VWA3B: variants seen among roughly 807,000 people sequenced by gnomAD.
VWA3B encodes the protein von Willebrand factor A domain-containing protein 3B.
A neutral mutation model predicts 158.3 loss-of-function variants in VWA3B; 138 were observed. The ratio of observed to expected loss-of-function variants is 0.87; its 90% CI spans 0.76 to 1.00. VWA3B has a LOEUF of 1.00. Ranked by LOEUF, VWA3B falls within the 50% of genes least tolerant of loss-of-function variation. The pLI, the probability that VWA3B is intolerant of heterozygous loss-of-function variation, is 0.00. For missense variants in VWA3B, 1,555 were observed against 1,565.1 expected, an observed-to-expected ratio of 0.99 and a Z score of 0.11; for synonymous variants, 596 against 587.3, an observed-to-expected ratio of 1.01 and a Z score of -0.21.
chr2:98,173,127 G>C (rs187086840), intron 8 of VWA3B, among the ~76,000 whole-genome samples: 1 of 152,320 alleles, frequency 6.6e-6, no homozygotes, highest in Admixed American at 6.5e-5. Context: ...CAGAGTACTT[G>C]TACATGTTTA....
chr2:98,245,396 A>G, intron 19 of VWA3B: 1 of 371,138 alleles, frequency 2.7e-6, no homozygotes, highest in Non-Finnish European at 5.3e-6. Flanking sequence ...CATCATAAAG[A>G]AAACATTTCC....
chr2:98,288,131 G>T (rs1054204262), intron 22 of VWA3B, among the ~76,000 whole-genome samples: 1 of 152,138 alleles, frequency 6.6e-6, no homozygotes, highest in Non-Finnish European at 1.5e-5. Flanking sequence ...GGACTCTATT[G>T]ATTGCCTTTT....
intron 20 of VWA3B, among the ~76,000 whole-genome samples, chr2:98,252,281 G>C (rs1686848120): frequency 6.6e-6 from 1 of 152,120 alleles, no homozygotes; most frequent in African/African-American, 2.4e-5. Flanking sequence ...TTCCTAGCAG[G>C]CGTCTGTGTG....
intron 15 of VWA3B, 129 bp downstream of exon 15, chr2:98,228,461 T>G: frequency 8.6e-7 from 1 of 1,167,290 alleles, no homozygotes. Flanking sequence ...CGTAGTGTGA[T>G]TAAGTTAGGA....
chr2:98,276,137 A>T (rs1436062789), intron 22 of VWA3B, among the ~76,000 whole-genome samples: 3 of 152,214 alleles, frequency 2.0e-5, no homozygotes, highest in Non-Finnish European at 2.9e-5. Context: ...GGGAGAGGTC[A>T]CATCTGGTGA....
chr2:98,247,028 C>T (rs938487171), intron 19 of VWA3B, among the ~76,000 whole-genome samples: 19 of 151,754 alleles, frequency 1.3e-4, no homozygotes, highest in African/African-American at 3.2e-4. Flanking sequence ...GACAGAGCCT[C>T]GCACTGTCGC....
chr2:98,215,579 G>A (rs1371835434), intron 13 of VWA3B, among the ~76,000 whole-genome samples: 1 of 150,340 alleles, frequency 6.7e-6, no homozygotes, highest in African/African-American at 2.4e-5. Context: ...GTGTAGTGGC[G>A]CAATCTCGGC....
intron 21 of VWA3B, 85 bp downstream of exon 21, chr2:98,256,259 A>C: frequency 3.5e-6 from 5 of 1,421,806 alleles, no homozygotes; most frequent in Non-Finnish European, 4.8e-6. Context: ...TGTACAATGC[A>C]GAGGTATTTA....
At position 98,286,184 on chromosome 2, in the gene VWA3B, C is replaced by T. The variant is rs553504998; in HGVS notation, c.3046-4327C>T. Among the ~76,000 whole-genome samples, 23 of 152,142 alleles carry T rather than the reference C, an allele frequency of 1.5e-4. No homozygotes were observed. The East Asian group carries it at 2.5e-3, about 17-fold the overall frequency. On this transcript the variant is annotated intron_variant, in intron 22 of 27. Transcript: ENST00000477737. ...TCTAGTAGTTTTTGGGTGACTTCCC[C>T]GGAGTTTTCACATACAGAATCATGT...
chr2:98,127,349 G>A (rs1675444431), intron 5 of VWA3B, among the ~76,000 whole-genome samples: 2 of 152,150 alleles, frequency 1.3e-5, no homozygotes, highest in African/African-American at 2.4e-5. Flanking sequence ...ACTGAAGTTA[G>A]GTCAGTTGCC....
chr2:98,234,843 A>G (rs1282596144), intron 17 of VWA3B, 76 bp downstream of exon 17: 3 of 1,584,906 alleles, frequency 1.9e-6, no homozygotes, highest in Non-Finnish European at 2.6e-6. Context: ...AGCTGCGTGT[A>G]GATATGTTGG....
At chr2:98,207,167 G>T (rs899939964) in intron 12 of VWA3B, 5 of 547,462 alleles carry the variant, frequency 9.1e-6, no homozygotes, top group Admixed American at 2.1e-5. Context: ...GACATGGTGG[G>T]TATGATGTGG....
At chr2:98,130,826 G>A (rs1344955325) in intron 6 of VWA3B, among the ~76,000 whole-genome samples, 6 of 152,198 alleles carry the variant, frequency 3.9e-5, no homozygotes, top group South Asian at 2.1e-4. Context: ...CTCTCTTTTC[G>A]CCACAGGCCC....
At chr2:98,207,357 C>T in intron 12 of VWA3B, 1 of 486,460 alleles carries the variant, frequency 2.1e-6, no homozygotes, top group South Asian at 1.6e-5. Context: ...CCATCTCTCA[C>T]ATCATGGATC....
At chr2:98,223,375 T>G (rs917802169) in intron 14 of VWA3B, among the ~76,000 whole-genome samples, 5 of 145,896 alleles carry the variant, frequency 3.4e-5, no homozygotes, top group African/African-American at 1.3e-4. Flanking sequence ...AGCATTAGTA[T>G]CATCGGAGTC....
At chr2:98,292,019 G>A (rs1689520368) in intron 23 of VWA3B, 1 of 151,162 alleles carries the variant, frequency 6.6e-6, no homozygotes, top group South Asian at 2.1e-4. Flanking sequence ...CGAGGCTGGT[G>A]GATCACTTAA....
Position 98,297,912 on chromosome 2 carries a change from G to A in VWA3B, c.3163G>A (p.Val1055Met). 1 of 1,539,138 alleles carries A rather than the reference G, an allele frequency of 6.5e-7. No homozygotes were observed. Among genetic ancestry groups the A allele is most frequent in the Non-Finnish European group, 8.7e-7 (1 of 1,142,946 alleles). Residue 1055 changes from valine (V) to methionine (M), a missense_variant, in exon 24 of 28, where the codon GTG becomes ATG. Physicochemically the swap from Val to Met is conservative, Grantham distance 21 (BLOSUM62 1). Coordinates refer to ENST00000477737, the MANE Select transcript of VWA3B (RefSeq NM_144992.5). ...DENGFYFPGVVKKCVSRTQAL... is the reference protein window; with the variant it reads ...DENGFYFPGVMKKCVSRTQAL... ...TTTTCTTTGATTCCTTCCAGGGGTTGTGAAGAAGTGTGTGAGCCGCACCCA... is the reference window on the plus strand; with the variant it reads ...TTTTCTTTGATTCCTTCCAGGGGTTATGAAGAAGTGTGTGAGCCGCACCCA...
intron 16 of VWA3B, among the ~76,000 whole-genome samples, chr2:98,234,349 C>T (rs769068632): frequency 6.6e-6 from 1 of 152,142 alleles, no homozygotes; most frequent in African/African-American, 2.4e-5. Flanking sequence ...TGAGAGAGGC[C>T]GCTGGGCTAC....
chr2:98,165,024 C>T (rs1678946305), intron 8 of VWA3B, among the ~76,000 whole-genome samples: 1 of 152,184 alleles, frequency 6.6e-6, no homozygotes. Flanking sequence ...AGACAAAATA[C>T]AATGATGCAT....
Sources: allele counts gnomAD v4.1 joint callset (sites outside exome capture counted in the v4.1 genomes callset), GRCh38; gene constraint gnomAD v4.1.1; transcripts MANE v1.5; gene names NCBI Gene and HGNC (gene_info 2026-07-23, HGNC 2026-07-21).